Variants in GULP1 observed in about 807,000 individuals in gnomAD.
GULP1 encodes PTB domain-containing engulfment adapter protein 1.
A neutral mutation model predicts 40.9 loss-of-function variants in GULP1; 19 were observed. The ratio of observed to expected loss-of-function variants is 0.46; its 90% CI spans 0.32 to 0.68. The LOEUF (loss-of-function observed/expected upper bound fraction) is 0.68. GULP1 is among the 30% of genes least tolerant of loss of function. The pLI, the probability that GULP1 is intolerant of heterozygous loss-of-function variation, is 0.03. For missense variants in GULP1, 312 were observed against 362.2 expected (o/e 0.86, Z 1.12); for synonymous variants, 119 against 117.6 (o/e 1.01, Z -0.08).
intron 4 of GULP1, among the ~76,000 whole-genome samples, chr2:188,518,336 C>T (rs1262199381): frequency 6.6e-6 from 1 of 152,130 alleles, no homozygotes; most frequent in Non-Finnish European, 1.5e-5. Context: ...TAGCCTAATT[C>T]CATGGTAAGC....
intron 2 of GULP1, among the ~76,000 whole-genome samples, chr2:188,457,232 A>G (rs2059341703): frequency 6.6e-6 from 1 of 152,162 alleles, no homozygotes; most frequent in Admixed American, 6.5e-5. Flanking sequence ...AAATGTGAGG[A>G]CATGAAATTT....
chr2:188,446,636 T>G (rs1364954230), intron 2 of GULP1, among the ~76,000 whole-genome samples: 1 of 152,208 alleles, frequency 6.6e-6, no homozygotes, highest in Non-Finnish European at 1.5e-5. Flanking sequence ...TGGTTTAAAT[T>G]TCTTCAGTGC....
intron 2 of GULP1, among the ~76,000 whole-genome samples, chr2:188,425,679 C>T (rs1028843771): frequency 6.6e-6 from 1 of 152,132 alleles, no homozygotes; most frequent in Non-Finnish European, 1.5e-5. Context: ...ACTTTCATCC[C>T]ATGTTGCACA....
intron 2 of GULP1, among the ~76,000 whole-genome samples, chr2:188,467,252 G>C (rs139995759): frequency 6.6e-6 from 1 of 152,272 alleles, no homozygotes; most frequent in East Asian, 1.9e-4. Flanking sequence ...GAGAGTTCTT[G>C]TTGCTATTGA....
rs547812032 is a variant in GULP1, at chr2:188,388,150, C to T, written c.-45+4261C>T. Among the ~76,000 whole-genome samples the T allele has an allele frequency of 1.1e-4, 16 of 151,128 alleles. No individual in the cohort carries two copies. The South Asian group carries it at 1.5e-3, about 14-fold the overall frequency. On this transcript the variant is annotated intron_variant, in intron 2 of 11. Coordinates refer to ENST00000409830, the MANE Select transcript of GULP1 (RefSeq NM_016315.4). ...GCGGTGTTTGGTTTTTTTGTCCTTG[C>T]GATAGTTTACTGAGAATGATGATTT...
chr2:188,308,059 T>C (rs2037417063), intron 1 of GULP1, among the ~76,000 whole-genome samples: 1 of 16,392 alleles, frequency 6.1e-5, no homozygotes. Flanking sequence ...GCTTTATCTC[T>C]CACTCAGCTC....
At chr2:188,531,220 G>A (rs559790694) in intron 6 of GULP1, among the ~76,000 whole-genome samples, 80 of 152,268 alleles carry the variant, frequency 5.3e-4, no homozygotes, top group Non-Finnish European at 9.1e-4. Context: ...CTAGTGTTTC[G>A]CATGCACATT....
intron 2 of GULP1, among the ~76,000 whole-genome samples, chr2:188,447,725 T>C (rs1429271996): frequency 6.6e-6 from 1 of 152,188 alleles, no homozygotes; most frequent in Non-Finnish European, 1.5e-5. Context: ...GCTAGACACA[T>C]GCTAGGTGCC....
chr2:188,385,358 C>A (rs1306649278), intron 2 of GULP1, among the ~76,000 whole-genome samples: 2 of 152,136 alleles, frequency 1.3e-5, no homozygotes, highest in Non-Finnish European at 2.9e-5. Flanking sequence ...ATGGCTGGAG[C>A]AGCTGGGATG....
At chr2:188,345,972 T>A (rs72907686) in intron 1 of GULP1, among the ~76,000 whole-genome samples, 1,708 of 152,350 alleles carry the variant, frequency 0.011, 14 homozygotes, top group Non-Finnish European at 0.02. Context: ...GAATTTATAG[T>A]TTAATGCCAT....
intron 2 of GULP1, among the ~76,000 whole-genome samples, chr2:188,476,343 G>A (rs1404722481): frequency 2.0e-5 from 3 of 152,164 alleles, no homozygotes; most frequent in Middle Eastern, 3.4e-3. Flanking sequence ...TTGGTCTCTC[G>A]TGAATTTATC....
In GULP1 at chr2:188,350,977, A is replaced by G. The variant is rs923624517; in HGVS notation, c.-171-32786A>G. On this transcript the variant is annotated intron_variant, in intron 1 of 11. Transcript: ENST00000409830. ...TGCTTGAAATAGCTCCAAGGAAAAT[A>G]TAGTACTGAATACAAATTTGGTGGA... Among the ~76,000 whole-genome samples the G allele has an allele frequency of 7.2e-5, 11 of 152,142 alleles. 1 individual carries two copies. The highest frequency in any genetic ancestry group is 6.6e-4 in the Admixed American group (10 of 15,266).
intron 2 of GULP1, among the ~76,000 whole-genome samples, chr2:188,420,256 G>T (rs1243026883): frequency 6.6e-6 from 1 of 152,162 alleles, no homozygotes; most frequent in Non-Finnish European, 1.5e-5. Flanking sequence ...TGCGTTGAAT[G>T]TGTAGATTAC....
At chr2:188,353,773 C>T (rs1446207341) in intron 1 of GULP1, among the ~76,000 whole-genome samples, 5 of 151,604 alleles carry the variant, frequency 3.3e-5, no homozygotes, top group East Asian at 2.0e-4. Context: ...TGAAGAGGTG[C>T]CCTGTATCCC....
At chr2:188,403,556 A>G (rs553047220) in intron 2 of GULP1, among the ~76,000 whole-genome samples, 42 of 152,304 alleles carry the variant, frequency 2.8e-4, no homozygotes, top group African/African-American at 9.6e-4. Flanking sequence ...TAAATATGGT[A>G]TATATAACTC....
chr2:188,552,022 A>T (rs1693588201), intron 7 of GULP1, among the ~76,000 whole-genome samples: 2 of 147,110 alleles, frequency 1.4e-5, no homozygotes, highest in South Asian at 2.2e-4. Flanking sequence ...AAATGGGAAC[A>T]TTTTTTTTTT....
chr2:188,529,640 G>C (rs71434638), intron 6 of GULP1, among the ~76,000 whole-genome samples: 2,411 of 152,250 alleles, frequency 0.016, 28 homozygotes, highest in Middle Eastern at 0.034. Context: ...TTAAACAGCA[G>C]AAAATATTTT....
intron 1 of GULP1, among the ~76,000 whole-genome samples, chr2:188,328,116 G>C (rs999106319): frequency 6.6e-6 from 1 of 152,072 alleles, no homozygotes; most frequent in Non-Finnish European, 1.5e-5. Context: ...GAATTGGAGA[G>C]CAATCATAAT....
intron 1 of GULP1, among the ~76,000 whole-genome samples, chr2:188,293,605 T>TC (rs1559077784): frequency 1.0e-4 from 15 of 148,498 alleles, no homozygotes; most frequent in Admixed American, 3.4e-4. Context: ...TCTTTCCCTT[T>TC]TCCCCCCATA....
Sources: allele counts gnomAD v4.1 joint callset (sites outside exome capture counted in the v4.1 genomes callset), GRCh38; gene constraint gnomAD v4.1.1; transcripts MANE v1.5; gene names NCBI Gene and HGNC (gene_info 2026-07-23, HGNC 2026-07-21).